Variants in HPSE2 observed in about 807,000 individuals in gnomAD.
The protein encoded by HPSE2 is inactive heparanase-2.
HPSE2 carries 38 observed loss-of-function variants against 60.5 expected under a neutral mutation model. That is an observed-to-expected ratio of 0.63 (90% CI 0.48 to 0.82). HPSE2 has a LOEUF of 0.82. HPSE2 is among the 40% of genes least tolerant of loss of function. The pLI, the probability that HPSE2 is intolerant of heterozygous loss-of-function variation, is 0.00. For synonymous variants in HPSE2, 295 were observed against 293.2 expected, an observed-to-expected ratio of 1.01 and a Z score of -0.06; for missense variants, 713 against 740.4, an observed-to-expected ratio of 0.96 and a Z score of 0.43.
At chr10:98,839,915 G>A (rs539127556) in intron 3 of HPSE2, among the ~76,000 whole-genome samples, 2 of 152,288 alleles carry the variant, frequency 1.3e-5, no homozygotes, top group South Asian at 4.1e-4. Context: ...TCTTTGAGAA[G>A]CATAAATGGG....
intron 3 of HPSE2, among the ~76,000 whole-genome samples, chr10:99,011,754 C>CAAAAAAAAAAAAAAAAAAAAAAA (rs5787319): frequency 2.1e-5 from 2 of 93,108 alleles, no homozygotes; most frequent in East Asian, 3.1e-4. Context: ...GACTCCATCT[C>CAAAAAAAAAAAAAAAAAAAAAAA]AAAAAAAAAA....
At chr10:98,970,198 G>A (rs1029811448) in intron 3 of HPSE2, among the ~76,000 whole-genome samples, 3 of 152,106 alleles carry the variant, frequency 2.0e-5, no homozygotes, top group African/African-American at 7.2e-5. Flanking sequence ...CCTGGCTTCA[G>A]GTGATCTGCC....
chr10:98,577,806 T>C (rs1707335807), intron 9 of HPSE2, among the ~76,000 whole-genome samples: 1 of 152,172 alleles, frequency 6.6e-6, no homozygotes. Flanking sequence ...GGGATCTCAC[T>C]GACATTGACA....
At chr10:99,093,560 A>G (rs1263363927) in intron 3 of HPSE2, among the ~76,000 whole-genome samples, 2 of 152,144 alleles carry the variant, frequency 1.3e-5, no homozygotes, top group Non-Finnish European at 2.9e-5. Context: ...CAGGTTCAGT[A>G]ACTGGTGAGG....
the HPSE2 span, among the ~76,000 whole-genome samples, chr10:99,280,488 C>A: frequency 6.6e-6 from 1 of 152,132 alleles, no homozygotes; most frequent in Non-Finnish European, 1.5e-5. Context: ...TATCAACTGC[C>A]TAATGATTAC....
intron 9 of HPSE2, among the ~76,000 whole-genome samples, chr10:98,559,856 T>C (rs1944121281): frequency 6.6e-6 from 1 of 152,196 alleles, no homozygotes; most frequent in African/African-American, 2.4e-5. Context: ...GTGAGCTGTA[T>C]TTTTTAAAAC....
At chr10:98,624,568 A>G (rs1946156789) in intron 7 of HPSE2, among the ~76,000 whole-genome samples, 2 of 152,220 alleles carry the variant, frequency 1.3e-5, no homozygotes, top group African/African-American at 2.4e-5. Context: ...TGACTTATGT[A>G]AAGATCCCTG....
At chr10:99,083,028 T>C (rs569980845) in intron 3 of HPSE2, among the ~76,000 whole-genome samples, 1 of 152,294 alleles carries the variant, frequency 6.6e-6, no homozygotes. Flanking sequence ...CCTCTACAAC[T>C]AAAACAAGAT....
chr10:98,941,668 A>G (rs1955007116), intron 3 of HPSE2, among the ~76,000 whole-genome samples: 1 of 136,014 alleles, frequency 7.4e-6, no homozygotes, highest in Non-Finnish European at 1.5e-5. Flanking sequence ...GGTAATTTAT[A>G]GATTCAATGC....
the HPSE2 span, among the ~76,000 whole-genome samples, chr10:99,257,617 C>T: frequency 3.9e-5 from 6 of 152,264 alleles, no homozygotes; most frequent in South Asian, 6.2e-4. Flanking sequence ...AATGACAATG[C>T]GTGCCCGAAA....
chr10:98,879,308 T>C (rs1487675619), intron 3 of HPSE2, among the ~76,000 whole-genome samples: 1 of 152,062 alleles, frequency 6.6e-6, no homozygotes, highest in African/African-American at 2.4e-5. Context: ...TGTTTTAAGG[T>C]GTTTCACACA....
intron 6 of HPSE2, among the ~76,000 whole-genome samples, chr10:98,686,961 T>C (rs1021858977): frequency 6.6e-6 from 1 of 152,234 alleles, no homozygotes; most frequent in Non-Finnish European, 1.5e-5. Context: ...TGCTATATCC[T>C]TACTGTATTT....
At chr10:98,871,943 T>A (rs558669821) in intron 3 of HPSE2, among the ~76,000 whole-genome samples, 2 of 152,212 alleles carry the variant, frequency 1.3e-5, no homozygotes, top group East Asian at 3.9e-4. Context: ...ATGCAAAAAA[T>A]AAATTGATTT....
intron 6 of HPSE2, among the ~76,000 whole-genome samples, chr10:98,651,015 T>C (rs990057825): frequency 6.6e-6 from 1 of 152,162 alleles, no homozygotes; most frequent in Non-Finnish European, 1.5e-5. Context: ...CTTTTCTACC[T>C]ACACTCACCA....
At chr10:98,465,737 T>C (rs1399212898) in intron 11 of HPSE2, among the ~76,000 whole-genome samples, 1 of 152,238 alleles carries the variant, frequency 6.6e-6, no homozygotes, top group African/African-American at 2.4e-5. Context: ...TGAGACCTCC[T>C]AAATGGCTCG....
intron 3 of HPSE2, among the ~76,000 whole-genome samples, chr10:98,746,906 A>T (rs1334009866): frequency 6.6e-6 from 1 of 152,044 alleles, no homozygotes. Context: ...GAAACTGGCC[A>T]AACTAAACAG....
At chr10:99,105,348 CT>C (rs1844200569) in intron 3 of HPSE2, among the ~76,000 whole-genome samples, 1 of 151,962 alleles carries the variant, frequency 6.6e-6, no homozygotes, top group African/African-American at 2.4e-5. Flanking sequence ...TGTTAAGCAT[CT>C]TTTCATGTGC....
chr10:98,609,330 C>T (rs1945683632), intron 9 of HPSE2, among the ~76,000 whole-genome samples: 1 of 152,182 alleles, frequency 6.6e-6, no homozygotes, highest in Non-Finnish European at 1.5e-5. Flanking sequence ...TAGCACATAG[C>T]ATGAATGCAA....
chr10:98,492,107 GGCTTTC>G (rs1941665917), intron 9 of HPSE2, among the ~76,000 whole-genome samples: 4 of 152,130 alleles, frequency 2.6e-5, no homozygotes, highest in Admixed American at 2.0e-4. Context: ...AAGCTAAACA[GGCTTTC>G]TCTCAAACTT....
Sources: allele counts gnomAD v4.1 joint callset (sites outside exome capture counted in the v4.1 genomes callset), GRCh38; gene constraint gnomAD v4.1.1; transcripts MANE v1.5; gene names NCBI Gene and HGNC (gene_info 2026-07-23, HGNC 2026-07-21).